COL4A2: variants seen among roughly 807,000 people sequenced by gnomAD.
COL4A2 encodes collagen alpha-2(IV) chain.
In COL4A2, 99 loss-of-function variants were observed where a neutral mutation model predicts 200.2. That is an observed-to-expected ratio of 0.49 (90% CI 0.42 to 0.58). COL4A2 has a LOEUF of 0.58. COL4A2 is among the 20% of genes least tolerant of loss of function. The pLI is 0.00. For synonymous variants in COL4A2, 897 were observed against 900.6 expected (o/e 1.00, Z 0.07); for missense variants, 1,950 against 2,314.1 (o/e 0.84, Z 3.23).
intron 29 of COL4A2, among the ~76,000 whole-genome samples, chr13:110,474,980 G>T (rs1301348517): frequency 2.0e-5 from 3 of 150,674 alleles, no homozygotes; most frequent in East Asian, 3.9e-4. Flanking sequence ...ACCCACACAC[G>T]TGCCTGTGCA....
At chr13:110,426,267 A>G (rs1441205535) in intron 6 of COL4A2, among the ~76,000 whole-genome samples, 1 of 152,228 alleles carries the variant, frequency 6.6e-6, no homozygotes, top group African/African-American at 2.4e-5. Context: ...ATGGAAAGCA[A>G]TTGCAACTCA....
Position 110,491,148 on chromosome 13 carries a change from T to G in COL4A2, c.3347-85T>G, listed in dbSNP as rs905118168. On this transcript the variant is annotated intron_variant, in intron 36 of 47. Coordinates refer to ENST00000360467, the MANE Select transcript of COL4A2 (RefSeq NM_001846.4). ...CATTCCTGAAGGAGCAGCAGTGTGG[T>G]TCTGCACATCCTAGAGCCGGGGTTC... The G allele has an allele frequency of 9.1e-6, 8 of 879,926 alleles. No individual in the cohort carries two copies. The African/African-American group carries it at 1.2e-4, about 13-fold the overall frequency. The allele number at this position is 879,926 out of a possible 1,614,324, so 54.5% of individuals were successfully genotyped here. A position where few individuals can be genotyped will look rare whatever the true frequency, so the allele number is the denominator to read the frequency against.
chr13:110,408,566 C>G (rs533103738), intron 4 of COL4A2, among the ~76,000 whole-genome samples: 1 of 152,200 alleles, frequency 6.6e-6, no homozygotes, highest in Non-Finnish European at 1.5e-5. Flanking sequence ...TCCAGACATG[C>G]AGAGCCGCCC....
Position 110,480,950 on chromosome 13 carries a change from T to C in COL4A2, c.2758+560T>C, listed in dbSNP as rs35325770. Among the ~76,000 whole-genome samples, 412 of 137,874 alleles carry C rather than the reference T, an allele frequency of 3.0e-3. 4 individuals carry two copies. Among genetic ancestry groups the C allele is most frequent in the Middle Eastern group, 0.016 (4 of 254 alleles). The allele number at this position is 137,874 out of a possible 152,430, so 90.5% of individuals were successfully genotyped here. ...TCCCTCCGTTGCTGGAGACACACTG[T>C]TCTGTCCCTCCGTTGCTGGAGACAC... On this transcript the variant is annotated intron_variant, in intron 31 of 47. Coordinates refer to ENST00000360467, the MANE Select transcript of COL4A2 (RefSeq NM_001846.4).
chr13:110,407,262 C>G (rs570672183), intron 4 of COL4A2, among the ~76,000 whole-genome samples: 4 of 152,220 alleles, frequency 2.6e-5, no homozygotes, highest in Admixed American at 2.6e-4. Context: ...CTTGGAGAAG[C>G]TCCCGCCTGG....
Position 110,511,782 on chromosome 13 carries a change from G to A in COL4A2, c.4882-152G>A, listed in dbSNP as rs1884089139. The A allele has an allele frequency of 2.3e-6, 3 of 1,286,004 alleles. No homozygotes were observed. The Admixed American group carries it at 7.2e-5, about 31-fold the overall frequency. The allele number at this position is 1,286,004 out of a possible 1,614,324, so 79.7% of individuals were successfully genotyped here. A position where few individuals can be genotyped will look rare whatever the true frequency, so the allele number is the denominator to read the frequency against. ...TGTATTTCACCAGCCCCCTCTTGCT[G>A]AAGGCGCATTCGCGAGGATGCCTCA... On this transcript the variant is annotated intron_variant, in intron 47 of 47. Coordinates refer to ENST00000360467, the MANE Select transcript of COL4A2 (RefSeq NM_001846.4).
At chr13:110,327,350 C>A (rs903826929) in intron 3 of COL4A2, among the ~76,000 whole-genome samples, 28 of 152,374 alleles carry the variant, frequency 1.8e-4, no homozygotes, top group Admixed American at 1.8e-3. Flanking sequence ...CACAATCACC[C>A]ACTCCGGGTA....
In COL4A2 at chr13:110,468,346, C is replaced by T. The variant is rs186179825; in HGVS notation, c.2096-871C>T. 3.2e-5 allele frequency: 15 copies of T among 471,460 alleles called. No individual in the cohort carries two copies. The East Asian group carries it at 9.7e-4, about 31-fold the overall frequency. The allele number at this position is 471,460 out of a possible 1,614,324, so 29.2% of individuals were successfully genotyped here. A position where few individuals can be genotyped will look rare whatever the true frequency, so the allele number is the denominator to read the frequency against. On this transcript the variant is annotated intron_variant, in intron 27 of 47. Transcript: ENST00000360467. The stretch of plus-strand genomic sequence containing the variant: ...CTAATTCCATCCATGGATTTCAACA[C>T]CGTCACTCATACAGCAACCCCCAAA...
rs754784235 is a variant in COL4A2 at position 110,512,070 on chromosome 13, G to C, written c.5018G>C (p.Ser1673Thr). 2.5e-6 allele frequency: 4 copies of C among 1,613,816 alleles called. No individual in the cohort carries two copies. The highest frequency in any genetic ancestry group is 3.4e-6 in the Non-Finnish European group (4 of 1,180,042). ...TGCCACTACTACGCCAACAAGTACA[G>C]CTTCTGGCTGACCACCATTCCCGAG... ...GTCHYYANKYSFWLTTIPEQS... is the reference protein window; with the variant it reads ...GTCHYYANKYTFWLTTIPEQS... Residue 1673 changes from serine to threonine, a missense_variant, in exon 48 of 48, where the codon AGC (serine) becomes ACC (threonine). By Grantham distance (58) the Ser-to-Thr change is moderately conservative (BLOSUM62 1). Transcript: ENST00000360467.
intron 47 of COL4A2, among the ~76,000 whole-genome samples, chr13:110,509,270 T>TATATATACACACAC (rs1435137108): frequency 1.7e-5 from 2 of 115,600 alleles, no homozygotes; most frequent in African/African-American, 7.0e-5. Flanking sequence ...TATATATATA[T>TATATATACACACAC]ACACACACAC....
chr13:110,400,613 C>A (rs566495290), intron 4 of COL4A2, among the ~76,000 whole-genome samples: 1 of 152,270 alleles, frequency 6.6e-6, no homozygotes, highest in South Asian at 2.1e-4. Flanking sequence ...CTATTAATTA[C>A]ATCATTTTCC....
intron 3 of COL4A2, among the ~76,000 whole-genome samples, chr13:110,311,795 T>C (rs2139340072): frequency 6.6e-6 from 1 of 152,334 alleles, no homozygotes; most frequent in South Asian, 2.1e-4. Flanking sequence ...TGAGGACCTC[T>C]GGCCGGGACC....
chr13:110,374,136 C>T (rs1878135708), intron 4 of COL4A2, among the ~76,000 whole-genome samples: 2 of 152,164 alleles, frequency 1.3e-5, no homozygotes, highest in Admixed American at 6.5e-5. Context: ...CATGCATTGT[C>T]ATGATACCCA....
At chr13:110,472,083 C>T (rs573607344) in intron 28 of COL4A2, among the ~76,000 whole-genome samples, 72 of 151,796 alleles carry the variant, frequency 4.7e-4, no homozygotes, top group African/African-American at 1.7e-3. Flanking sequence ...TCCCTCCATC[C>T]GCAGATGGGA....
At chr13:110,433,644 A>T (rs909504006) in intron 11 of COL4A2, among the ~76,000 whole-genome samples, 7 of 152,352 alleles carry the variant, frequency 4.6e-5, no homozygotes, top group South Asian at 2.1e-4. Context: ...GATAGGGCTT[A>T]TGTGACCCCG....
rs762457703 is a variant in COL4A2, at chr13:110,474,554, G to GCA, written c.2425+1421_2425+1422dup. 6.5e-4 allele frequency among the ~76,000 whole-genome samples: 79 copies of GCA among 122,352 alleles called. 1 individual carries two copies. Among genetic ancestry groups the GCA allele is most frequent in the African/African-American group, 1.2e-3 (42 of 34,074 alleles). The allele number at this position is 122,352 out of a possible 152,430, so 80.3% of individuals were successfully genotyped here. Reference sequence around the variant, plus strand: ...CCTAAGATGGCCAGAGTGCATGCATGCACACACACACACACACATTCACGG... The same window carrying GCA: ...CCTAAGATGGCCAGAGTGCATGCATGCACACACACACACACACACATTCACGG... On this transcript the variant is annotated intron_variant, in intron 29 of 47. Coordinates refer to ENST00000360467, the MANE Select transcript of COL4A2 (RefSeq NM_001846.4).
intron 4 of COL4A2, among the ~76,000 whole-genome samples, chr13:110,363,459 A>G (rs992390463): frequency 6.6e-6 from 1 of 152,214 alleles, no homozygotes; most frequent in African/African-American, 2.4e-5. Context: ...AAGAAACCAG[A>G]GAGAAACTGA....
chr13:110,381,557 C>T (rs917700681), intron 4 of COL4A2, among the ~76,000 whole-genome samples: 2 of 152,194 alleles, frequency 1.3e-5, no homozygotes, highest in African/African-American at 4.8e-5. Flanking sequence ...GTGACTGTCT[C>T]GCACAACTGG....
At chr13:110,398,853 A>AT (rs1422362967) in intron 4 of COL4A2, among the ~76,000 whole-genome samples, 9 of 151,504 alleles carry the variant, frequency 5.9e-5, no homozygotes, top group South Asian at 2.1e-4. Context: ...ATTTAGGTTG[A>AT]TTTTTTTTTA....
Sources: gnomAD v4.1 joint callset for allele counts (sites outside exome capture counted in the v4.1 genomes callset) on GRCh38, gnomAD v4.1.1 for gene constraint, MANE v1.5 for transcripts, NCBI Gene and HGNC (gene_info 2026-07-23, HGNC 2026-07-21) for gene names.